Variants in AKAP12 observed in about 807,000 individuals in gnomAD.
AKAP12 encodes the protein A-kinase anchoring protein 12, also known as A-kinase anchor protein 12.
Under a neutral mutation model 79.9 loss-of-function variants are expected in AKAP12, and 32 were observed. That is an observed-to-expected ratio of 0.40 (90% confidence interval 0.30 to 0.54). The LOEUF is 0.54. AKAP12 is among the 20% of genes least tolerant of loss of function. The probability of loss-of-function intolerance (pLI) is 0.48; values close to 1 mark genes in which losing one functional copy is unlikely to be tolerated. For missense variants in AKAP12, 2,074 were observed against 2,177.0 expected, an observed-to-expected ratio of 0.95 and a Z score of 0.94; for synonymous variants, 808 against 857.0, an observed-to-expected ratio of 0.94 and a Z score of 1.00.
chr6:151,255,975 T>G (rs1374424336), intron 2 of AKAP12, among the ~76,000 whole-genome samples: 1 of 34,848 alleles, frequency 2.9e-5, no homozygotes, highest in East Asian at 9.1e-4. Context: ...TTTGTGGACT[T>G]AAACATGCTC....
In AKAP12 at chr6:151,352,152, CTG is replaced by C. The variant is rs1269896444; in HGVS notation, c.3763_3764del (p.Val1255IlefsTer7). 3 of 1,614,170 alleles carry C rather than the reference CTG, an allele frequency of 1.9e-6. No homozygotes were observed. Among genetic ancestry groups the C allele is most frequent in the Non-Finnish European group, 2.5e-6 (3 of 1,180,036 alleles). ...ACAGATAAAGAGGTGTCAGTGGAAA[CTG>C]TATCCATTCTGTCAAAGACTGAGGG... is the stretch of plus-strand genomic sequence containing the variant. On this transcript the variant is annotated frameshift_variant, in exon 4 of 5. Coordinates refer to ENST00000402676, the MANE Select transcript of AKAP12 (RefSeq NM_005100.4). LOFTEE classifies it low-confidence loss of function (END_TRUNC).
In AKAP12 at chr6:151,350,015, G is replaced by A. The variant is rs769275509; in HGVS notation, c.1624G>A (p.Glu542Lys). 2.5e-6 allele frequency: 4 copies of A among 1,614,010 alleles called. No homozygotes were observed. The highest frequency in any genetic ancestry group is 1.6e-4 in the Middle Eastern group (1 of 6,082). ...GAAAGGGAAAAGAGGAGGAGGAGAC[G>A]AGGAATCAGGGGAGCACACTCAGGT... ...KQKGKRGGGD[E>K]ESGEHTQVPA... is the part of the protein sequence containing the mutation. Residue 542 changes from glutamate to lysine, a missense_variant, in exon 4 of 5, where the codon GAG (glutamate) becomes AAG (lysine). Transcript: ENST00000402676. This position sits in a 1 kb window ranked among gnomAD's most constrained non-coding sequence, Gnocchi z 4.8.
At chr6:151,301,427 G>A (rs889397290) in intron 2 of AKAP12, among the ~76,000 whole-genome samples, 1 of 152,188 alleles carries the variant, frequency 6.6e-6, no homozygotes, top group African/African-American at 2.4e-5. Flanking sequence ...TTAAATGAAT[G>A]TAGGTTTGAT....
intron 2 of AKAP12, among the ~76,000 whole-genome samples, chr6:151,300,005 GGGTTTGCGTA>G (rs1205026934): frequency 6.6e-6 from 1 of 152,094 alleles, no homozygotes; most frequent in African/African-American, 2.4e-5. Context: ...TGTAGCTAAT[GGGTTTGCGTA>G]TTTAAAATTC....
intron 2 of AKAP12, among the ~76,000 whole-genome samples, chr6:151,295,396 C>G (rs11155781): frequency 0.29 from 44,786 of 152,068 alleles, 7,662 homozygotes; most frequent in Non-Finnish European, 0.41. Context: ...GGTTAACTAA[C>G]TTTCATGAAT....
chr6:151,258,574 A>G (rs998276173), intron 2 of AKAP12, among the ~76,000 whole-genome samples: 2 of 152,226 alleles, frequency 1.3e-5, no homozygotes, highest in Admixed American at 6.5e-5. Context: ...TTTTGGCCAC[A>G]TAAAGAGGAA....
intron 2 of AKAP12, among the ~76,000 whole-genome samples, chr6:151,272,949 T>C (rs1776219887): frequency 6.6e-6 from 1 of 152,128 alleles, no homozygotes; most frequent in African/African-American, 2.4e-5. Context: ...AGAGTCTTGC[T>C]CTGGCTGGAG....
At position 151,243,372 on chromosome 6, in the gene AKAP12, A is replaced by G. The variant is rs544362904; in HGVS notation, c.162+2648A>G. ...CTGACATTTATATCACATGCATGCT[A>G]TCTATTTAGCAATTGGATTTACTTT... is the stretch of plus-strand genomic sequence containing the variant. On this transcript the variant is annotated intron_variant, in intron 2 of 4. Coordinates refer to ENST00000402676, the MANE Select transcript of AKAP12 (RefSeq NM_005100.4). Among the ~76,000 whole-genome samples the G allele has an allele frequency of 2.0e-5, 3 of 152,294 alleles. No individual in the cohort carries two copies. The South Asian group carries it at 6.2e-4, about 32-fold the overall frequency.
intron 2 of AKAP12, among the ~76,000 whole-genome samples, chr6:151,271,385 G>C (rs975569533): frequency 6.7e-6 from 1 of 148,156 alleles, no homozygotes; most frequent in Non-Finnish European, 1.5e-5. Context: ...AAAATGGAAT[G>C]ATCTCAGCTC....
chr6:151,243,026 T>G (rs780624091), intron 2 of AKAP12, among the ~76,000 whole-genome samples: 11 of 152,244 alleles, frequency 7.2e-5, no homozygotes, highest in Non-Finnish European at 1.3e-4. Flanking sequence ...GTCAGTCTGT[T>G]CGGTTATTAA....
intron 3 of AKAP12, 56 bp downstream of exon 3, chr6:151,305,959 C>G: frequency 6.5e-7 from 1 of 1,533,840 alleles, no homozygotes; most frequent in Non-Finnish European, 8.8e-7. Context: ...AAACTTTGGA[C>G]TCAGCAGAAA....
intron 3 of AKAP12, among the ~76,000 whole-genome samples, chr6:151,315,256 AG>A (rs1199563663): frequency 6.6e-6 from 1 of 152,212 alleles, no homozygotes; most frequent in African/African-American, 2.4e-5. Flanking sequence ...ATAGTTCTGG[AG>A]GCTGGGAAGT....
At chr6:151,321,915 T>TTG (rs1562738055) in intron 3 of AKAP12, among the ~76,000 whole-genome samples, 2 of 145,644 alleles carry the variant, frequency 1.4e-5, no homozygotes, top group African/African-American at 5.2e-5. Context: ...TTTTTTTTTT[T>TTG]TTTTTTTTTT....
At chr6:151,260,634 G>C (rs1039558072) in intron 2 of AKAP12, among the ~76,000 whole-genome samples, 9 of 152,214 alleles carry the variant, frequency 5.9e-5, no homozygotes, top group South Asian at 4.1e-4. Flanking sequence ...GCTAATGCCA[G>C]GCTGTAAGAG....
rs535027217 is a variant in AKAP12 at position 151,337,524 on chromosome 6, A to AAAAAGAAAGAAAG, written c.320-11184_320-11183insAGAAAGAAAGAAA. Reference sequence around the variant, plus strand: ...GAGTTTCCGTCTCGAAAAAAAAAAAAAAAGAAAGAAAGAAAGATAACTGTA... The same window carrying AAAAAGAAAGAAAG: ...GAGTTTCCGTCTCGAAAAAAAAAAAAAAAAGAAAGAAAGAAAGAAAGAAAGAAAGATAACTGTA... On this transcript the variant is annotated intron_variant, in intron 3 of 4. Coordinates refer to ENST00000402676, the MANE Select transcript of AKAP12 (RefSeq NM_005100.4). Among the ~76,000 whole-genome samples the AAAAAGAAAGAAAG allele has an allele frequency of 1.0e-3, 135 of 129,806 alleles. 1 individual carries two copies. The East Asian group carries it at 0.02, about 20-fold the overall frequency. 85.2% of individuals were successfully genotyped at this position (129,806 alleles called of 152,430 possible).
chr6:151,251,467 T>G (rs1468809114), intron 2 of AKAP12, among the ~76,000 whole-genome samples: 2 of 152,108 alleles, frequency 1.3e-5, no homozygotes, highest in Non-Finnish European at 2.9e-5. Context: ...AGTGGGGCAG[T>G]GAGATTTGGC....
intron 2 of AKAP12, among the ~76,000 whole-genome samples, chr6:151,259,892 T>A (rs992741725): frequency 7.6e-6 from 1 of 132,114 alleles, no homozygotes; most frequent in Non-Finnish European, 1.5e-5. Context: ...TTTTCTTCAA[T>A]GTAACTTTCT....
chr6:151,261,032 T>G (rs980212847), intron 2 of AKAP12, among the ~76,000 whole-genome samples: 1 of 152,114 alleles, frequency 6.6e-6, no homozygotes, highest in African/African-American at 2.4e-5. Flanking sequence ...TCTTCCAGCA[T>G]GCACCTGTGC....
chr6:151,348,849 A>G lies in AKAP12; in HGVS notation c.458A>G (p.Glu153Gly). Residue 153 changes from glutamate (E) to glycine (G), a missense_variant, in exon 4 of 5, where the codon GAA becomes GGA. Glu to Gly is a moderately conservative substitution (Grantham distance 98). Around this residue, in one of 3 missense-constraint regions of AKAP12, gnomAD observed 1,428 missense variants for 1,451.0 expected, o/e 0.98. Coordinates refer to ENST00000402676, the MANE Select transcript of AKAP12 (RefSeq NM_005100.4). ...ATAATCGAACAGATTCCTTCTTCAG[A>G]AAGCAATTTAGAAGAGCTAACACAA... ...PEIIEQIPSS[E>G]SNLEELTQPT... 1.2e-6 allele frequency: 2 copies of G among 1,614,198 alleles called. No homozygotes were observed. Among genetic ancestry groups the G allele is most frequent in the Non-Finnish European group, 1.7e-6 (2 of 1,180,024 alleles).
Sources: gnomAD v4.1 joint callset for allele counts (sites outside exome capture counted in the v4.1 genomes callset) on GRCh38, gnomAD v4.1.1 for gene constraint, gnomAD v4.1.1 regional missense constraint, Gnocchi (gnomAD v3.1) non-coding constraint, MANE v1.5 for transcripts, NCBI Gene and HGNC (gene_info 2026-07-23, HGNC 2026-07-21) for gene names.